ZNF346: variants seen among roughly 807,000 people sequenced by gnomAD.
ZNF346 encodes the protein double-stranded RNA-binding zinc finger protein JAZ.
Under a neutral mutation model 33.7 loss-of-function variants are expected in ZNF346, and 23 were observed. That is an observed-to-expected ratio of 0.68 (90% CI 0.49 to 0.97). The LOEUF (loss-of-function observed/expected upper bound fraction) is 0.97. Among genes scored for constraint, ZNF346 ranks in the 50% least tolerant of loss-of-function variants. The pLI is 0.00. For missense variants in ZNF346, 340 were observed against 371.1 expected, an observed-to-expected ratio of 0.92 and a Z score of 0.69; for synonymous variants, 134 against 142.4, an observed-to-expected ratio of 0.94 and a Z score of 0.42.
At chr5:177,029,226 A>G (rs1224315865) in intron 1 of ZNF346, among the ~76,000 whole-genome samples, 6 of 152,204 alleles carry the variant, frequency 3.9e-5, no homozygotes, top group Non-Finnish European at 5.9e-5. Context: ...TTAATCAACC[A>G]TGCCTATGTA....
At chr5:177,038,281 T>G (rs986018400) in intron 1 of ZNF346, among the ~76,000 whole-genome samples, 41 of 129,756 alleles carry the variant, frequency 3.2e-4, no homozygotes, top group African/African-American at 4.7e-4. Context: ...GTGTGTGTGT[T>G]TTTTAATTTT....
At chr5:177,040,507 G>C (rs954701406) in intron 1 of ZNF346, among the ~76,000 whole-genome samples, 1 of 152,000 alleles carries the variant, frequency 6.6e-6, no homozygotes, top group Non-Finnish European at 1.5e-5. Context: ...ACCACACCTG[G>C]CTAATTTTTG....
At chr5:177,070,346 A>G (rs1200401952), downstream of ZNF346, among the ~76,000 whole-genome samples, 3 of 152,128 alleles carry the variant, frequency 2.0e-5, no homozygotes, top group South Asian at 6.2e-4. Context: ...GTAGCCTCGA[A>G]TGGCCTCAGA....
At chr5:177,048,911 A>G (rs911963685) in intron 4 of ZNF346, among the ~76,000 whole-genome samples, 1 of 150,564 alleles carries the variant, frequency 6.6e-6, no homozygotes, top group African/African-American at 2.5e-5. Flanking sequence ...CAGCCTCCTG[A>G]GTAGCTGGGA....
chr5:177,076,239 G>A (rs1369928934), intron 8 of ZNF346, among the ~76,000 whole-genome samples: 2 of 152,242 alleles, frequency 1.3e-5, no homozygotes, highest in African/African-American at 2.4e-5. Context: ...AGGGAAACCA[G>A]CTAACGTGTT....
At chr5:177,071,516 C>T (rs1783499019), downstream of ZNF346, among the ~76,000 whole-genome samples, 1 of 151,970 alleles carries the variant, frequency 6.6e-6, no homozygotes, top group Non-Finnish European at 1.5e-5. Flanking sequence ...GAAACCCCAT[C>T]TCTACTAAAA....
At chr5:177,040,346 A>G (rs774478739) in intron 1 of ZNF346, among the ~76,000 whole-genome samples, 4 of 151,900 alleles carry the variant, frequency 2.6e-5, no homozygotes, top group Non-Finnish European at 5.9e-5. Flanking sequence ...ATGTGATTTT[A>G]TTTTATTTAT....
chr5:177,025,805 C>G (rs1279843305), intron 1 of ZNF346, among the ~76,000 whole-genome samples: 1 of 151,978 alleles, frequency 6.6e-6, no homozygotes, highest in African/African-American at 2.4e-5. Flanking sequence ...CAGGTATTTC[C>G]CCCTGACTGT....
chr5:177,038,969 G>A (rs994080501), intron 1 of ZNF346, among the ~76,000 whole-genome samples: 2 of 150,152 alleles, frequency 1.3e-5, no homozygotes, highest in South Asian at 4.2e-4. Context: ...TCGGCTCACT[G>A]CAACCTCTGC....
chr5:177,040,340 GATTTT>G (rs1489105811), intron 1 of ZNF346, among the ~76,000 whole-genome samples: 2 of 151,928 alleles, frequency 1.3e-5, no homozygotes, highest in Non-Finnish European at 2.9e-5. Context: ...TACGTTATGT[GATTTT>G]ATTTTATTTA....
At chr5:177,072,978 C>T (rs535435280), downstream of ZNF346, among the ~76,000 whole-genome samples, 3 of 152,362 alleles carry the variant, frequency 2.0e-5, no homozygotes, top group African/African-American at 7.2e-5. Context: ...CTCCCCTTGT[C>T]AACCTGGGGA....
intron 4 of ZNF346, among the ~76,000 whole-genome samples, chr5:177,049,236 T>C (rs1249388798): frequency 1.3e-5 from 2 of 152,196 alleles, no homozygotes; most frequent in Admixed American, 6.5e-5. Context: ...AGAAAAACCA[T>C]TGTGGGAAAG....
chr5:177,060,627 C>T (rs954712945), intron 5 of ZNF346, among the ~76,000 whole-genome samples: 3 of 152,024 alleles, frequency 2.0e-5, no homozygotes, highest in South Asian at 2.1e-4. Context: ...GCCTGGCCAA[C>T]ATAGTGAAAC....
chr5:177,050,095 G>C (rs1288209163), intron 4 of ZNF346, among the ~76,000 whole-genome samples: 1 of 152,214 alleles, frequency 6.6e-6, no homozygotes. Flanking sequence ...TTGGCCTCCT[G>C]AAGTGCTAGG....
intron 4 of ZNF346, among the ~76,000 whole-genome samples, chr5:177,045,419 A>C (rs1779904350): frequency 6.6e-6 from 1 of 151,716 alleles, no homozygotes; most frequent in African/African-American, 2.4e-5. Context: ...CAGTGGCATG[A>C]TCTCGGCTCA....
At chr5:177,022,960 G>T in intron 1 of ZNF346, 47 bp downstream of exon 1, 1 of 1,443,734 alleles carries the variant, frequency 6.9e-7, no homozygotes. Context: ...CCGCTGCGCG[G>T]CTCGCGGGGA....
intron 5 of ZNF346, chr5:177,052,874 G>A (rs1781145396): frequency 6.6e-6 from 1 of 152,118 alleles, no homozygotes. Flanking sequence ...GGCAGCAATT[G>A]GTAATAAGTT....
Position 177,062,072 on chromosome 5 carries a change from C to G in ZNF346, c.718C>G (p.Pro240Ala). Residue 240 changes from proline to alanine, a missense_variant, in exon 6 of 7, where the codon CCC becomes GCC. Coordinates refer to ENST00000358149, the MANE Select transcript of ZNF346 (RefSeq NM_012279.4). Reference sequence around the variant, plus strand: ...ATGTGTTTCAGCTGGAAAGGGCTACCCCTGCAAAACATGTAAGATAGTGCT... The same window carrying G: ...ATGTGTTTCAGCTGGAAAGGGCTACGCCTGCAAAACATGTAAGATAGTGCT... ...VTDFPAGKGY[P>A]CKTCKIVLNS... The G allele has an allele frequency of 6.2e-7, 1 of 1,613,802 alleles. No individual in the cohort carries two copies. Among genetic ancestry groups the G allele is most frequent in the South Asian group, 1.1e-5 (1 of 91,030 alleles).
chr5:177,033,513 T>C (rs1430862765), intron 1 of ZNF346, among the ~76,000 whole-genome samples: 1 of 152,068 alleles, frequency 6.6e-6, no homozygotes, highest in Non-Finnish European at 1.5e-5. Flanking sequence ...TTGTTTTGTT[T>C]TGTTTTGTTT....
Sources: gnomAD v4.1 joint callset for allele counts (sites outside exome capture counted in the v4.1 genomes callset) on GRCh38, gnomAD v4.1.1 for gene constraint, MANE v1.5 for transcripts, NCBI Gene and HGNC (gene_info 2026-07-23, HGNC 2026-07-21) for gene names.